MAP4K1: variants seen among roughly 807,000 people sequenced by gnomAD.
MAP4K1 encodes the protein mitogen-activated protein kinase kinase kinase kinase 1.
A neutral mutation model predicts 122.8 loss-of-function variants in MAP4K1; 35 were observed. That is an observed-to-expected ratio of 0.29 (90% CI 0.22 to 0.38). The LOEUF is 0.38. MAP4K1 is among the 10% of genes least tolerant of loss of function. MAP4K1 has a pLI of 1.00. For missense variants in MAP4K1, 791 were observed against 1,072.6 expected (o/e 0.74, Z 3.67); for synonymous variants, 412 against 421.3 (o/e 0.98, Z 0.27).
chr19:38,609,953 C>A lies in MAP4K1; in HGVS notation c.883G>T (p.Gly295Trp). 6.2e-7 allele frequency: 1 copy of A among 1,614,198 alleles called. No homozygotes were observed. The highest frequency in any genetic ancestry group is 8.5e-7 in the Non-Finnish European group (1 of 1,180,022). The change falls in exon 12 of 31, where the codon GGG becomes TGG. Residue 295 changes from glycine to tryptophan, a missense_variant. This residue lies in a region of MAP4K1 where 303 missense variants were observed against 344.8 expected (regional missense o/e 0.88). Coordinates refer to ENST00000396857, the MANE Select transcript of MAP4K1 (RefSeq NM_001042600.3). ...LDLLDKLKNP[G>W]KGPSIGDIED... The stretch of plus-strand genomic sequence containing the variant: ...ATGTCCCCAATGGAGGGTCCTTTCC[C>A]GGGATTCTTCAGTTTGTCAAGAAGA...
At chr19:38,593,392 C>T (rs759823806) in intron 29 of MAP4K1, 55 bp from the exon 30 acceptor site, 33 of 1,484,466 alleles carry the variant, frequency 2.2e-5, no homozygotes, top group Admixed American at 1.9e-5. Context: ...ACTGTCACTA[C>T]GAACATGGCT....
intron 19 of MAP4K1, among the ~76,000 whole-genome samples, chr19:38,602,873 C>T (rs115777095): frequency 0.054 from 7,815 of 144,662 alleles, 560 homozygotes; most frequent in East Asian, 0.27. Context: ...TACACATGTA[C>T]ATATATACTT....
At chr19:38,600,211 C>T (rs1354338097) in intron 20 of MAP4K1, 58 bp from the exon 21 acceptor site, 2 of 1,448,620 alleles carry the variant, frequency 1.4e-6, no homozygotes, top group Non-Finnish European at 1.9e-6. Flanking sequence ...CTCCCAGATC[C>T]CCACCTGTCT....
chr19:38,593,049 G>A lies in MAP4K1; in HGVS notation c.2396+233C>T, dbSNP rs560353554. On this transcript the variant is annotated intron_variant, in intron 30 of 30. Transcript: ENST00000396857. ...TGGGAGGTCAAGGCTGCAGTGAGCC[G>A]TGGTCGTGCCATTGCACTCCAGCCT... is the stretch of plus-strand genomic sequence containing the variant. Among the ~76,000 whole-genome samples, 13 of 152,176 alleles carry A rather than the reference G, an allele frequency of 8.5e-5. No homozygotes were observed. The East Asian group carries it at 1.4e-3, about 16-fold the overall frequency.
chr19:38,602,483 CAT>C (rs895940575), intron 19 of MAP4K1, among the ~76,000 whole-genome samples: 14 of 149,658 alleles, frequency 9.4e-5, no homozygotes, highest in East Asian at 2.0e-4. Context: ...TATATACACA[CAT>C]ATACATATAT....
At chr19:38,609,810 T>A (rs1975441180) in intron 12 of MAP4K1, 99 bp downstream of exon 12, 1 of 1,320,562 alleles carries the variant, frequency 7.6e-7, no homozygotes. Flanking sequence ...CCTCCCTGTT[T>A]TCCCCCTAAG....
intron 20 of MAP4K1, among the ~76,000 whole-genome samples, chr19:38,600,547 T>C (rs1026933107): frequency 6.6e-6 from 1 of 152,216 alleles, no homozygotes; most frequent in South Asian, 2.1e-4. Context: ...ACTTTTTCTG[T>C]CCAGTGTGAC....
chr19:38,614,204 G>A (rs756388874), intron 6 of MAP4K1, 41 bp downstream of exon 6: 1 of 1,611,554 alleles, frequency 6.2e-7, no homozygotes, highest in South Asian at 1.1e-5. Flanking sequence ...CCCATCTCCT[G>A]GGCCCCACCC....
Position 38,607,972 on chromosome 19 carries a change from C to T in MAP4K1, c.1109+18G>A, listed in dbSNP as rs774745826. ...TCCACATTCCAGCCCCCTCCCCATC[C>T]TCCCTGGGGTCCCTGACCTGGGGCT... On this transcript the variant is annotated intron_variant, in intron 15 of 30. Coordinates refer to ENST00000396857, the MANE Select transcript of MAP4K1 (RefSeq NM_001042600.3). 3 of 1,611,758 alleles carry T rather than the reference C, an allele frequency of 1.9e-6. No individual in the cohort carries two copies. The South Asian group carries it at 3.3e-5, about 18-fold the overall frequency.
At position 38,595,929 on chromosome 19, in the gene MAP4K1, G is replaced by A; in HGVS notation, c.2179+10C>T. ...GGGTGGGGAGGAAGGGGAGGAAGGA[G>A]GGTTCTCACCATCCATCAACACCAT... is the stretch of plus-strand genomic sequence containing the variant. On this transcript the variant is annotated intron_variant, in intron 27 of 30. Transcript: ENST00000396857. 1 of 1,612,706 alleles carries A rather than the reference G, an allele frequency of 6.2e-7. No individual in the cohort carries two copies. The highest frequency in any genetic ancestry group is 8.5e-7 in the Non-Finnish European group (1 of 1,178,834).
intron 11 of MAP4K1, 56 bp downstream of exon 11, chr19:38,610,995 G>A (rs761159252): frequency 6.9e-7 from 1 of 1,453,414 alleles, no homozygotes; most frequent in Non-Finnish European, 9.6e-7. Flanking sequence ...GTCCTCGGGA[G>A]TTGTGGAAGG....
chr19:38,596,395 C>G lies in MAP4K1; in HGVS notation c.2033G>C (p.Ser678Thr). ...SELPAVCIGV[S>T]PGRPGKSVLF... ...CACCGACTTCCCCGGCCGCCCGGGG[C>G]TCACGCCGATGCACACAGCGGGCAG... The change falls in exon 26 of 31, where the codon AGC (serine) becomes ACC (threonine). Residue 678 changes from serine to threonine, a missense_variant. This residue lies in a region of MAP4K1 where 267 missense variants were observed against 323.0 expected (regional missense o/e 0.83). Coordinates refer to ENST00000396857, the MANE Select transcript of MAP4K1 (RefSeq NM_001042600.3). 2.5e-6 allele frequency: 4 copies of G among 1,596,836 alleles called. No homozygotes were observed. The highest frequency in any genetic ancestry group is 3.4e-6 in the Non-Finnish European group (4 of 1,175,182).
chr19:38,616,766 G>A (rs1330556557), intron 3 of MAP4K1, among the ~76,000 whole-genome samples: 1 of 152,184 alleles, frequency 6.6e-6, no homozygotes, highest in African/African-American at 2.4e-5. Context: ...CAGTTACTAT[G>A]AAGAGATCAA....
At chr19:38,602,639 C>A (rs1364881680) in intron 19 of MAP4K1, among the ~76,000 whole-genome samples, 1 of 137,124 alleles carries the variant, frequency 7.3e-6, no homozygotes, top group Non-Finnish European at 1.5e-5. Flanking sequence ...TATATACACA[C>A]CTATACATAT....
intron 27 of MAP4K1, 104 bp from the exon 28 acceptor site, chr19:38,595,833 G>A (rs1413397221): frequency 2.0e-5 from 30 of 1,483,190 alleles, no homozygotes; most frequent in Non-Finnish European, 2.7e-5. Context: ...ACAGGGGCAA[G>A]GCCCAGAGGG....
chr19:38,594,030 G>T (rs185580914), intron 29 of MAP4K1, among the ~76,000 whole-genome samples: 303 of 152,270 alleles, frequency 2.0e-3, no homozygotes, highest in Non-Finnish European at 2.5e-3. Flanking sequence ...TTTGCCCAAG[G>T]CCACTCAGCT....
chr19:38,596,239 C>T (rs777823107), intron 26 of MAP4K1, 73 bp downstream of exon 26: 10 of 1,471,118 alleles, frequency 6.8e-6, no homozygotes, highest in East Asian at 4.9e-5. Context: ...TCAGGCTAAG[C>T]GAAGCCCCGC....
intron 27 of MAP4K1, 79 bp downstream of exon 27, chr19:38,595,860 G>C: frequency 6.4e-7 from 1 of 1,557,826 alleles, no homozygotes; most frequent in Non-Finnish European, 8.9e-7. Flanking sequence ...GGGGTTCTGA[G>C]AAGCACAAGT....
intron 16 of MAP4K1, among the ~76,000 whole-genome samples, chr19:38,606,674 T>C (rs921577502): frequency 6.6e-6 from 1 of 151,902 alleles, no homozygotes; most frequent in African/African-American, 2.4e-5. Flanking sequence ...CTGGACAACA[T>C]GGCAAGACCC....
Sources: gnomAD v4.1 joint callset for allele counts (sites outside exome capture counted in the v4.1 genomes callset) on GRCh38, gnomAD v4.1.1 for gene constraint, gnomAD v4.1.1 regional missense constraint, MANE v1.5 for transcripts, NCBI Gene and HGNC (gene_info 2026-07-23, HGNC 2026-07-21) for gene names.